Variants in MUSK observed in about 807,000 individuals in gnomAD.
The protein encoded by MUSK is muscle associated receptor tyrosine kinase.
MUSK carries 55 observed loss-of-function variants against 88.7 expected under a neutral mutation model. The observed-to-expected ratio is 0.62, with a 90% CI of 0.50 to 0.78. The LOEUF is 0.78. Among genes scored for constraint, MUSK ranks in the 30% least tolerant of loss-of-function variants. MUSK has a pLI of 0.00. For synonymous variants in MUSK, 387 were observed against 391.9 expected (o/e 0.99, Z 0.15); for missense variants, 1,015 against 1,074.3 (o/e 0.94, Z 0.77).
intron 3 of MUSK, among the ~76,000 whole-genome samples, chr9:110,692,005 A>G (rs2076363025): frequency 6.6e-6 from 1 of 152,100 alleles, no homozygotes; most frequent in Admixed American, 6.5e-5. Flanking sequence ...AGTAAATCTG[A>G]TGTCTCTCTT....
At chr9:110,693,964 A>G (rs569656322) in intron 3 of MUSK, among the ~76,000 whole-genome samples, 2 of 152,234 alleles carry the variant, frequency 1.3e-5, no homozygotes, top group African/African-American at 4.8e-5. Flanking sequence ...TATTAGAAGG[A>G]GAGTTGTATG....
intron 5 of MUSK, among the ~76,000 whole-genome samples, chr9:110,732,873 CA>C (rs1415261233): frequency 1.3e-5 from 2 of 151,982 alleles, no homozygotes; most frequent in African/African-American, 4.8e-5. Context: ...TTTAAATCTG[CA>C]AAAAGCCCCC....
At chr9:110,741,370 C>T (rs2077095659) in intron 6 of MUSK, among the ~76,000 whole-genome samples, 1 of 152,070 alleles carries the variant, frequency 6.6e-6, no homozygotes, top group Non-Finnish European at 1.5e-5. Context: ...CTGGCCCCAC[C>T]CTTGTCTCTC....
At chr9:110,762,060 C>A (rs1013820) in intron 7 of MUSK, 142 bp from the exon 8 acceptor site, 33,932 of 1,017,030 alleles carry the variant, frequency 0.033, 652 homozygotes, top group Middle Eastern at 0.065. Context: ...GGCCTCCTAG[C>A]AGAAGCGGAG....
chr9:110,679,496 C>T (rs1007044941), intron 1 of MUSK, among the ~76,000 whole-genome samples: 14 of 152,090 alleles, frequency 9.2e-5, no homozygotes, highest in African/African-American at 3.1e-4. Flanking sequence ...TGTTTGATAG[C>T]ATCTGTCATT....
At chr9:110,785,764 T>C (rs764021871) in intron 13 of MUSK, 46 bp downstream of exon 13, 11 of 1,465,768 alleles carry the variant, frequency 7.5e-6, no homozygotes, top group Non-Finnish European at 1.8e-6. Flanking sequence ...ATATGTTATG[T>C]CTGAAAAGCT....
rs114027676 is a variant in MUSK, at chr9:110,764,374, G to A, written c.920+2166G>A. 2.8e-3 allele frequency among the ~76,000 whole-genome samples: 421 copies of A among 152,256 alleles called. 2 individuals carry two copies. The highest frequency in any genetic ancestry group is 9.4e-3 in the African/African-American group (392 of 41,558). On this transcript the variant is annotated intron_variant, in intron 8 of 14. Transcript: ENST00000374448. ...TATCTCATTCCCCAGTTCTTGCTGT[G>A]AGCTCCTTTTAAAAATGTTTGAAGT... is the stretch of plus-strand genomic sequence containing the variant.
chr9:110,730,025 G>A (rs2131829048), intron 5 of MUSK, among the ~76,000 whole-genome samples: 1 of 152,058 alleles, frequency 6.6e-6, no homozygotes, highest in Middle Eastern at 3.4e-3. Context: ...TTGAAATAAG[G>A]AGAGAGAGAG....
intron 5 of MUSK, among the ~76,000 whole-genome samples, chr9:110,715,805 G>T (rs1195967655): frequency 6.7e-6 from 1 of 149,198 alleles, no homozygotes; most frequent in African/African-American, 2.6e-5. Flanking sequence ...AAAGGAAAGA[G>T]ATCATGCCCT....
intron 2 of MUSK, among the ~76,000 whole-genome samples, 171 bp downstream of exon 2, chr9:110,682,971 T>A (rs776065901): frequency 3.3e-5 from 5 of 152,118 alleles, no homozygotes; most frequent in Non-Finnish European, 7.4e-5. Context: ...TCATTTGAAT[T>A]ACAAACAATC....
At chr9:110,761,728 C>A (rs1165061572) in intron 7 of MUSK, among the ~76,000 whole-genome samples, 1 of 151,912 alleles carries the variant, frequency 6.6e-6, no homozygotes, top group Non-Finnish European at 1.5e-5. Context: ...GCGCCCGCCA[C>A]CTCGCCCGGC....
Position 110,801,084 on chromosome 9 carries a change from A to G in MUSK, c.*96A>G. ...GAGGCCCAACAAGACCCACATAGGA[A>G]AGAGTAAGAGTAAACATGAGTAGTG... On this transcript the variant is annotated 3_prime_UTR_variant, in exon 15 of 15. Transcript: ENST00000374448. The G allele has an allele frequency of 9.2e-7, 1 of 1,086,554 alleles. No homozygotes were observed. The highest frequency in any genetic ancestry group is 1.3e-6 in the Non-Finnish European group (1 of 793,272). The allele number at this position is 1,086,554 out of a possible 1,614,324, so 67.3% of individuals were successfully genotyped here. A position where few individuals can be genotyped will look rare whatever the true frequency, so the allele number is the denominator to read the frequency against.
chr9:110,791,192 T>G (rs1252368630), intron 14 of MUSK, among the ~76,000 whole-genome samples: 2 of 150,284 alleles, frequency 1.3e-5, no homozygotes, highest in African/African-American at 4.9e-5. Context: ...CATTTCCATC[T>G]GAGGTACCGG....
At chr9:110,718,152 C>A (rs1020564258) in intron 5 of MUSK, among the ~76,000 whole-genome samples, 1 of 152,058 alleles carries the variant, frequency 6.6e-6, no homozygotes, top group Non-Finnish European at 1.5e-5. Context: ...CAGAGCCTCC[C>A]TTTGTCCCCA....
chr9:110,764,999 A>T (rs1048859766), intron 8 of MUSK, among the ~76,000 whole-genome samples: 1 of 152,152 alleles, frequency 6.6e-6, no homozygotes, highest in Non-Finnish European at 1.5e-5. Context: ...GGGGTTCATT[A>T]TTAGTTGATT....
chr9:110,671,808 T>G (rs2131620761), intron 1 of MUSK, among the ~76,000 whole-genome samples: 1 of 152,304 alleles, frequency 6.6e-6, no homozygotes, highest in East Asian at 1.9e-4. Context: ...TGGTGCAATG[T>G]TAGATTCTGC....
At position 110,800,986 on chromosome 9, in the gene MUSK, T is replaced by C. The variant is rs201134491; in HGVS notation, c.2608T>C (p.Ter870GlnextTer2). The change falls in exon 15 of 15, where the codon TAA (stop) becomes CAA (glutamine). Residue 870 changes from the stop codon to glutamine (Q), a stop_lost. Coordinates refer to ENST00000374448, the MANE Select transcript of MUSK (RefSeq NM_005592.4). ...GAGGGCAGAGGGAACTGTGAGTGTC[T>C]AAGGTTGAAGACGTTCAAATAAAAT... is the stretch of plus-strand genomic sequence containing the variant. ...CERAEGTVSV[*>Q] 8.9e-5 allele frequency: 134 copies of C among 1,511,452 alleles called. No individual in the cohort carries two copies. In the South Asian group the frequency reaches 1.3e-3, roughly 15 times the overall value. 93.6% of individuals were successfully genotyped at this position (1,511,452 alleles called of 1,614,324 possible). A position where few individuals can be genotyped will look rare whatever the true frequency, so the allele number is the denominator to read the frequency against.
intron 3 of MUSK, among the ~76,000 whole-genome samples, chr9:110,689,175 ATTTATATAAATATATCAT>A (rs2131677287): frequency 1.4e-5 from 1 of 72,890 alleles, no homozygotes; most frequent in East Asian, 2.7e-4. Flanking sequence ...TAAACTATAT[ATTTATATAAATATATCAT>A]ATATATATTC....
intron 3 of MUSK, among the ~76,000 whole-genome samples, chr9:110,689,812 A>G (rs1471331017): frequency 1.1e-5 from 1 of 93,426 alleles, no homozygotes; most frequent in Admixed American, 1.6e-4. Context: ...ATATATAACT[A>G]TATATTTAAA....
Sources: gnomAD v4.1 joint callset for allele counts (sites outside exome capture counted in the v4.1 genomes callset) on GRCh38, gnomAD v4.1.1 for gene constraint, MANE v1.5 for transcripts, NCBI Gene and HGNC (gene_info 2026-07-23, HGNC 2026-07-21) for gene names.